ZFPM2: variants seen among roughly 807,000 people sequenced by gnomAD.
The protein encoded by ZFPM2 is zinc finger protein ZFPM2.
A neutral mutation model predicts 98.6 loss-of-function variants in ZFPM2; 20 were observed. The observed-to-expected ratio is 0.20, with a 90% CI of 0.14 to 0.29. The LOEUF (loss-of-function observed/expected upper bound fraction) is 0.29, where lower values mean the gene tolerates loss of function less well. ZFPM2 is among the 10% of genes least tolerant of loss of function. The pLI, the probability that ZFPM2 is intolerant of heterozygous loss-of-function variation, is 1.00. For synonymous variants in ZFPM2, 518 were observed against 502.7 expected (o/e 1.03, Z -0.41); for missense variants, 1,310 against 1,388.6 (o/e 0.94, Z 0.90).
intron 3 of ZFPM2, among the ~76,000 whole-genome samples, chr8:105,552,661 G>GTTCATATA (rs71305160): frequency 0.63 from 95,073 of 151,182 alleles, 30,219 homozygotes; most frequent in African/African-American, 0.75. Context: ...CTGTTTCTTT[G>GTTCATATA]TTCATATAAA....
At chr8:105,501,030 A>T (rs1404544293) in intron 3 of ZFPM2, among the ~76,000 whole-genome samples, 1 of 152,204 alleles carries the variant, frequency 6.6e-6, no homozygotes. Flanking sequence ...CAAATTATCA[A>T]ATACAGACGT....
intron 5 of ZFPM2, among the ~76,000 whole-genome samples, chr8:105,713,550 T>G (rs1175548332): frequency 6.6e-6 from 1 of 152,166 alleles, no homozygotes; most frequent in African/African-American, 2.4e-5. Flanking sequence ...CTTTTGTTTT[T>G]GTTGCAAGAA....
chr8:105,723,424 G>T (rs558668167), intron 5 of ZFPM2, among the ~76,000 whole-genome samples: 2 of 151,934 alleles, frequency 1.3e-5, no homozygotes, highest in South Asian at 4.2e-4. Context: ...GAGCCTCAAA[G>T]TTCCTTATGA....
intron 1 of ZFPM2, among the ~76,000 whole-genome samples, chr8:105,329,051 C>G (rs1812165353): frequency 6.6e-6 from 1 of 151,870 alleles, no homozygotes; most frequent in African/African-American, 2.4e-5. Context: ...ATTTTGTCAT[C>G]AAGTTGCTTA....
At chr8:105,480,132 TG>T (rs1267014998) in intron 3 of ZFPM2, among the ~76,000 whole-genome samples, 2 of 152,316 alleles carry the variant, frequency 1.3e-5, no homozygotes, top group East Asian at 3.9e-4. Flanking sequence ...CATAGGTAGC[TG>T]CTCTTAGCTT....
chr8:105,648,981 T>A (rs761002428), intron 5 of ZFPM2, among the ~76,000 whole-genome samples: 1 of 152,216 alleles, frequency 6.6e-6, no homozygotes, highest in Admixed American at 6.5e-5. Flanking sequence ...TATGGCTATT[T>A]TCACCATATT....
chr8:105,800,938 A>G, intron 7 of ZFPM2, 109 bp from the exon 8 acceptor site: 1 of 1,057,816 alleles, frequency 9.5e-7, no homozygotes, highest in South Asian at 1.6e-5. Flanking sequence ...AAATTTTGAA[A>G]GATTTCATTC....
At chr8:105,614,941 G>A (rs562211681) in intron 4 of ZFPM2, among the ~76,000 whole-genome samples, 16 of 152,152 alleles carry the variant, frequency 1.1e-4, no homozygotes, top group Non-Finnish European at 2.1e-4. Context: ...CTATCAACTG[G>A]CCTTATCATT....
At chr8:105,730,396 C>G (rs1387843649) in intron 5 of ZFPM2, among the ~76,000 whole-genome samples, 1 of 151,762 alleles carries the variant, frequency 6.6e-6, no homozygotes, top group Non-Finnish European at 1.5e-5. Context: ...CTGCTACTCC[C>G]AATACCTTTG....
rs187830946 is a variant in ZFPM2, at chr8:105,732,566, G to A, written c.533-56152G>A. Reference sequence around the variant, plus strand: ...GAAAAGTCTGGATCCTTTAGCAAGTGAGGGATGTTGCTTCTCATTAGGAGA... The same window carrying A: ...GAAAAGTCTGGATCCTTTAGCAAGTAAGGGATGTTGCTTCTCATTAGGAGA... On this transcript the variant is annotated intron_variant, in intron 5 of 7. Coordinates refer to ENST00000407775, the MANE Select transcript of ZFPM2 (RefSeq NM_012082.4). Among the ~76,000 whole-genome samples, 4 of 151,974 alleles carry A rather than the reference G, an allele frequency of 2.6e-5. No homozygotes were observed. In the East Asian group the frequency reaches 7.8e-4, roughly 30 times the overall value.
intron 3 of ZFPM2, among the ~76,000 whole-genome samples, chr8:105,464,289 GC>G (rs1812756259): frequency 6.6e-6 from 1 of 151,858 alleles, no homozygotes. Flanking sequence ...TATTTTATAT[GC>G]TTTTACAGAA....
intron 3 of ZFPM2, among the ~76,000 whole-genome samples, chr8:105,501,558 C>T (rs1813596697): frequency 6.6e-6 from 1 of 151,342 alleles, no homozygotes; most frequent in Non-Finnish European, 1.5e-5. Flanking sequence ...GGCTGGAGTG[C>T]AGTGGCACCA....
At chr8:105,330,579 T>TACATATATATATAC (rs1812201825) in intron 1 of ZFPM2, among the ~76,000 whole-genome samples, 5 of 96,434 alleles carry the variant, frequency 5.2e-5, no homozygotes, top group South Asian at 6.3e-4. Flanking sequence ...CATATATATA[T>TACATATATATATAC]ACATATATAT....
At chr8:105,457,495 A>G (rs752408245) in intron 3 of ZFPM2, among the ~76,000 whole-genome samples, 8 of 152,198 alleles carry the variant, frequency 5.3e-5, no homozygotes, top group African/African-American at 1.2e-4. Flanking sequence ...AAGATAGACA[A>G]ATGATGAGAT....
At chr8:105,596,739 CTTT>C (rs910632602) in intron 4 of ZFPM2, among the ~76,000 whole-genome samples, 4 of 58,956 alleles carry the variant, frequency 6.8e-5, no homozygotes, top group African/African-American at 2.5e-4. Context: ...CCTTTGTCTG[CTTT>C]TTTTTTTTTT....
chr8:105,467,667 T>A (rs769770248), intron 3 of ZFPM2, among the ~76,000 whole-genome samples: 4 of 152,108 alleles, frequency 2.6e-5, no homozygotes, highest in Non-Finnish European at 4.4e-5. Context: ...TAAACAGTGG[T>A]TATTTTAATG....
chr8:105,587,432 G>A (rs1367923880), intron 4 of ZFPM2, among the ~76,000 whole-genome samples: 1 of 152,058 alleles, frequency 6.6e-6, no homozygotes, highest in Non-Finnish European at 1.5e-5. Context: ...CTAATTTAAA[G>A]TGTAGACATT....
chr8:105,594,837 T>C (rs990936934), intron 4 of ZFPM2, among the ~76,000 whole-genome samples: 1 of 152,090 alleles, frequency 6.6e-6, no homozygotes, highest in Admixed American at 6.6e-5. Context: ...AGCCAGGCAC[T>C]ATGCAAAGGT....
chr8:105,701,139 T>C lies in ZFPM2; in HGVS notation c.532+66782T>C, dbSNP rs148915837. 1.0e-3 allele frequency among the ~76,000 whole-genome samples: 154 copies of C among 152,310 alleles called. 2 individuals are homozygous for C. Among genetic ancestry groups the C allele is most frequent in the South Asian group, 7.0e-3 (34 of 4,830 alleles). The stretch of plus-strand genomic sequence containing the variant: ...CATTTTGTTTTTCCTTGTTTTATCT[T>C]GGAATGGGAATAGAGAAACAGCAGA... On this transcript the variant is annotated intron_variant, in intron 5 of 7. Coordinates refer to ENST00000407775, the MANE Select transcript of ZFPM2 (RefSeq NM_012082.4).
Sources: gnomAD v4.1 joint callset for allele counts (sites outside exome capture counted in the v4.1 genomes callset) on GRCh38, gnomAD v4.1.1 for gene constraint, MANE v1.5 for transcripts, NCBI Gene and HGNC (gene_info 2026-07-23, HGNC 2026-07-21) for gene names.